Variants in PUDP observed in about 807,000 individuals in gnomAD.
The protein encoded by PUDP is pseudouridine-5'-phosphatase.
PUDP carries 8 observed loss-of-function variants against 9.4 expected under a neutral mutation model. The observed-to-expected ratio is 0.85, with a 90% CI of 0.50 to 1.53. The LOEUF is 1.53. Ranked by LOEUF, PUDP falls within the 40% of genes most tolerant of loss-of-function variation. The pLI, the probability that PUDP is intolerant of heterozygous loss-of-function variation, is 0.00. For missense variants in PUDP, 188 were observed against 189.7 expected (o/e 0.99, Z 0.05); for synonymous variants, 99 against 80.7 (o/e 1.23, Z -1.22).
intron 1 of PUDP, among the ~76,000 whole-genome samples, chrX:7,139,991 A>G (rs1442088443): frequency 8.9e-6 from 1 of 112,249 alleles, no homozygotes; most frequent in Non-Finnish European, 1.9e-5. Context: ...ACAGAGGATA[A>G]AGGAGGATCA....
intron 2 of PUDP, chrX:7,085,510 GTC>G (rs1326578635): frequency 2.7e-5 from 3 of 112,046 alleles, no homozygotes; most frequent in Non-Finnish European, 5.6e-5. Context: ...ATGTCTGCAG[GTC>G]AAACAGGCAC....
chrX:6,767,377 G>T (rs1467984574), intron 3 of PUDP, among the ~76,000 whole-genome samples: 3 of 112,658 alleles, frequency 2.7e-5, no homozygotes, highest in Non-Finnish European at 3.7e-5. Context: ...TCATTAATGA[G>T]GCCCTGCAAT....
At chrX:7,076,325 A>C (rs1032375802) in intron 3 of PUDP, among the ~76,000 whole-genome samples, 1 of 111,627 alleles carries the variant, frequency 9.0e-6, no homozygotes, top group Non-Finnish European at 1.9e-5. Flanking sequence ...AAAAGTCCTC[A>C]CATGCAGGAA....
At chrX:7,114,823 A>G (rs1932152502) in intron 1 of PUDP, among the ~76,000 whole-genome samples, 1 of 112,738 alleles carries the variant, frequency 8.9e-6, no homozygotes, top group Non-Finnish European at 1.9e-5. Context: ...ACAAATTAGT[A>G]CAAATTAAAG....
chrX:6,799,945 T>G (rs962221621), intron 3 of PUDP, among the ~76,000 whole-genome samples: 1 of 112,404 alleles, frequency 8.9e-6, no homozygotes, highest in African/African-American at 3.2e-5. Context: ...AGTATAAAAC[T>G]CTTTTTTCTT....
intron 1 of PUDP, among the ~76,000 whole-genome samples, chrX:6,985,571 C>T (rs1190408671): frequency 9.0e-6 from 1 of 111,565 alleles, no homozygotes; most frequent in East Asian, 2.8e-4. Flanking sequence ...CTGGGCAGAA[C>T]TCTTGGTGGG....
At chrX:7,086,818 C>T (rs1356104943) in intron 2 of PUDP, among the ~76,000 whole-genome samples, 2 of 111,920 alleles carry the variant, frequency 1.8e-5, no homozygotes, top group Non-Finnish European at 3.8e-5. Flanking sequence ...CCACAGGATC[C>T]GGCTTATGGA....
chrX:6,779,796 G>A (rs1424753547), intron 3 of PUDP, among the ~76,000 whole-genome samples: 1 of 110,861 alleles, frequency 9.0e-6, no homozygotes, highest in Non-Finnish European at 1.9e-5. Context: ...TGGGTGTGGT[G>A]GCATGCATAT....
intron 1 of PUDP, among the ~76,000 whole-genome samples, chrX:7,012,078 C>T (rs376937507): frequency 3.6e-5 from 4 of 112,242 alleles, no homozygotes; most frequent in South Asian, 7.4e-4. Flanking sequence ...AGTTGTATAA[C>T]ACCGTTAGAG....
chrX:7,017,909 A>C (rs1328835283), intron 1 of PUDP, among the ~76,000 whole-genome samples: 1 of 111,747 alleles, frequency 8.9e-6, no homozygotes, highest in Non-Finnish European at 1.9e-5. Context: ...TACAGGTCAT[A>C]AAGACCTTGC....
rs762762085 is a variant in PUDP, at chrX:6,932,998, C to G, written c.*247+44135G>C. On this transcript the variant is annotated intron_variant and NMD_transcript_variant, in intron 3 of 3. Coordinates refer to the PUDP transcript ENST00000655425. Reference sequence around the variant, plus strand: ...GAACTGGGTGGAGCCCACCACAGCTCAAGGAGGCCTGCCTGCCTCTGTAGG... The same window carrying G: ...GAACTGGGTGGAGCCCACCACAGCTGAAGGAGGCCTGCCTGCCTCTGTAGG... Among the ~76,000 whole-genome samples, 38 of 110,455 alleles carry G rather than the reference C, an allele frequency of 3.4e-4. No individual in the cohort carries two copies. The South Asian group carries it at 0.014, about 41-fold the overall frequency.
At chrX:6,939,593 G>A (rs1928369069) in intron 3 of PUDP, among the ~76,000 whole-genome samples, 1 of 110,408 alleles carries the variant, frequency 9.1e-6, no homozygotes, top group African/African-American at 3.3e-5. Flanking sequence ...GCCAGGTGCA[G>A]TGGCTCATGC....
Position 6,762,496 on chromosome X carries a change from A to G in PUDP, c.*248-56030T>C, listed in dbSNP as rs145366378. ...AGAATAGAACTTTGAAAAATGTCATACGTGACAAAGATTGTTCCAGGGAGT... is the reference window on the plus strand; with the variant it reads ...AGAATAGAACTTTGAAAAATGTCATGCGTGACAAAGATTGTTCCAGGGAGT... On this transcript the variant is annotated intron_variant and NMD_transcript_variant, in intron 3 of 3. Transcript: ENST00000655425. Among the ~76,000 whole-genome samples the G allele has an allele frequency of 2.5e-3, 285 of 112,135 alleles. 2 individuals carry two copies. Among genetic ancestry groups the G allele is most frequent in the Non-Finnish European group, 3.0e-3 (160 of 53,273 alleles).
intron 3 of PUDP, among the ~76,000 whole-genome samples, chrX:6,735,926 A>G (rs1924866397): frequency 9.1e-6 from 1 of 109,389 alleles, no homozygotes; most frequent in African/African-American, 3.3e-5. Flanking sequence ...GTTTTCCCAG[A>G]TACTCAGGGT....
chrX:7,050,403 C>G lies in PUDP; in HGVS notation c.580G>C (p.Val194Leu). Residue 194 changes from valine to leucine, a missense_variant, in exon 4 of 4, where the codon GTT becomes CTT. Val to Leu is a conservative substitution (Grantham distance 32). Transcript: ENST00000381077. ...TCTCGGCTCAAGTTTCCGTCAGGAA[C>G]CATGACCACCTGCATCCCAGCTGCC... ...ALAAGMQVVM[V>L]PDGNLSRDLT... The G allele has an allele frequency of 8.3e-7, 1 of 1,210,659 alleles. No individual in the cohort carries two copies. The highest frequency in any genetic ancestry group is 3.0e-5 in the East Asian group (1 of 33,802).
chrX:7,117,835 G>A (rs1171494781), intron 1 of PUDP, among the ~76,000 whole-genome samples: 2 of 113,016 alleles, frequency 1.8e-5, no homozygotes, highest in Non-Finnish European at 3.7e-5. Flanking sequence ...AGAGAAGGGT[G>A]GTTTCCTGAG....
chrX:6,952,561 G>C, intron 3 of PUDP, among the ~76,000 whole-genome samples: 1 of 111,900 alleles, frequency 8.9e-6, no homozygotes, highest in East Asian at 2.8e-4. Flanking sequence ...TCCTTGTTTT[G>C]TGTGACCTTG....
chrX:6,903,953 TTTA>T (rs1240009916), intron 3 of PUDP, among the ~76,000 whole-genome samples: 2 of 79,148 alleles, frequency 2.5e-5, no homozygotes, highest in Non-Finnish European at 2.7e-5. Flanking sequence ...TATATATATA[TTTA>T]TTTTTTTTTT....
At chrX:6,756,165 G>T (rs1256655326) in intron 3 of PUDP, among the ~76,000 whole-genome samples, 2 of 110,649 alleles carry the variant, frequency 1.8e-5, no homozygotes, top group Non-Finnish European at 3.8e-5. Context: ...TCAGAAAACA[G>T]TCTAGTAGTT....
Sources: gnomAD v4.1 joint callset for allele counts (sites outside exome capture counted in the v4.1 genomes callset) on GRCh38, gnomAD v4.1.1 for gene constraint, MANE v1.5 for transcripts, NCBI Gene and HGNC (gene_info 2026-07-23, HGNC 2026-07-21) for gene names.